Variants in LRP2 observed in about 807,000 individuals in gnomAD.
LRP2 encodes the protein LDL receptor related protein 2, also known as low-density lipoprotein receptor-related protein 2.
LRP2 carries 172 observed loss-of-function variants against 531.0 expected under a neutral mutation model. The observed-to-expected ratio is 0.32, with a 90% CI of 0.29 to 0.37. The LOEUF is 0.37. Among genes scored for constraint, LRP2 ranks in the 10% least tolerant of loss-of-function variants. LRP2 has a pLI of 1.00. For synonymous variants in LRP2, 1,992 were observed against 2,027.6 expected (o/e 0.98, Z 0.47); for missense variants, 5,167 against 5,868.3 (o/e 0.88, Z 3.90).
intron 49 of LRP2, among the ~76,000 whole-genome samples, chr2:169,187,225 T>C (rs1236766315): frequency 6.6e-6 from 1 of 152,176 alleles, no homozygotes; most frequent in East Asian, 1.9e-4. Context: ...GCAGTTTCTG[T>C]CTAGCATTTA....
intron 25 of LRP2, 28 bp downstream of exon 25, chr2:169,240,960 G>A (rs1200030215): frequency 6.2e-7 from 1 of 1,606,872 alleles, no homozygotes; most frequent in Non-Finnish European, 8.5e-7. Context: ...TGAGTTTATG[G>A]CCAGTAAACT....
intron 1 of LRP2, among the ~76,000 whole-genome samples, chr2:169,338,359 G>GGAAAGAAAGAAA (rs869084371): frequency 0.11 from 8,410 of 76,320 alleles, 701 homozygotes; most frequent in Middle Eastern, 0.15. Flanking sequence ...AAAGAAAGAA[G>GGAAAGAAAGAAA]GAAAGAAAGA....
intron 17 of LRP2, among the ~76,000 whole-genome samples, chr2:169,257,825 C>CAAAAAAAAAAAAAAAAAAAAAAA (rs74268259): frequency 7.6e-6 from 1 of 132,356 alleles, no homozygotes. Context: ...AAAACAAAAA[C>CAAAAAAAAAAAAAAAAAAAAAAA]AAAAAAAAAA....
chr2:169,236,126 T>G (rs1295552667), intron 28 of LRP2, 58 bp from the exon 29 acceptor site: 1 of 1,230,030 alleles, frequency 8.1e-7, no homozygotes, highest in Non-Finnish European at 1.2e-6. Flanking sequence ...TAAAAATAAC[T>G]GTCATTTTAA....
intron 1 of LRP2, among the ~76,000 whole-genome samples, chr2:169,348,330 A>G (rs1420277860): frequency 6.6e-6 from 1 of 152,138 alleles, no homozygotes; most frequent in Non-Finnish European, 1.5e-5. Context: ...GATGAGGGAG[A>G]CTATGCCCAG....
chr2:169,263,000 T>G (rs1326266613), intron 16 of LRP2, among the ~76,000 whole-genome samples: 1 of 152,152 alleles, frequency 6.6e-6, no homozygotes, highest in Non-Finnish European at 1.5e-5. Context: ...GGGGAAAGGA[T>G]TCCCTATTTA....
chr2:169,300,949 C>T (rs1196996592), intron 4 of LRP2, among the ~76,000 whole-genome samples: 2 of 151,986 alleles, frequency 1.3e-5, no homozygotes, highest in Admixed American at 6.6e-5. Context: ...GGAGTTTCAG[C>T]AGTTAAAGAT....
At chr2:169,277,106 A>C (rs1346792182) in intron 13 of LRP2, among the ~76,000 whole-genome samples, 1 of 151,598 alleles carries the variant, frequency 6.6e-6, no homozygotes, top group Non-Finnish European at 1.5e-5. Flanking sequence ...AAGCAGGAGA[A>C]TCACTTGAAC....
At chr2:169,273,237 C>T (rs1365133128) in intron 14 of LRP2, among the ~76,000 whole-genome samples, 170 bp from the exon 15 acceptor site, 1 of 152,208 alleles carries the variant, frequency 6.6e-6, no homozygotes, top group African/African-American at 2.4e-5. Context: ...TCTGGCTACA[C>T]TAACCCTCCC....
Position 169,212,190 on chromosome 2 carries a change from T to C in LRP2, c.6058A>G (p.Asn2020Asp). The C allele has an allele frequency of 6.2e-7, 1 of 1,614,026 alleles. No individual in the cohort carries two copies. Among genetic ancestry groups the C allele is most frequent in the Non-Finnish European group, 8.5e-7 (1 of 1,179,920 alleles). Residue 2020 changes from asparagine to aspartate, a missense_variant, in exon 37 of 79, where the codon AAT becomes GAT. This residue lies in a region of LRP2 where 2,811 missense variants were observed against 3,058.0 expected (regional missense o/e 0.92). Transcript: ENST00000649046. ...GCATTCATGTTGTTGCTACAGCCAT[T>C]TGAGGATTCGGCGGCATCTAAATGA... ...YHRRNAAESSNGCSNNMNACQ... is the reference protein window; with the variant it reads ...YHRRNAAESSDGCSNNMNACQ...
rs1243616730 is a variant in LRP2, at chr2:169,128,295, C to A, written c.*368G>T. 2.0e-5 allele frequency: 4 copies of A among 200,008 alleles called. No individual in the cohort carries two copies. The highest frequency in any genetic ancestry group is 4.1e-5 in the Non-Finnish European group (4 of 97,594). The allele number at this position is 200,008 out of a possible 1,614,324, so 12.4% of individuals were successfully genotyped here. ...CTCTTCTTTAGACACGGCTAAAGGT[C>A]CCCAGTCAATTCCTTTTCTTGTTGG... On this transcript the variant is annotated 3_prime_UTR_variant, in exon 79 of 79. Coordinates refer to ENST00000649046, the MANE Select transcript of LRP2 (RefSeq NM_004525.3).
At chr2:169,271,632 C>G (rs893109527) in intron 15 of LRP2, 2 of 430,330 alleles carry the variant, frequency 4.6e-6, no homozygotes, top group Non-Finnish European at 6.2e-6. Context: ...CACACACACA[C>G]ACACACACAC....
At chr2:169,239,503 G>C (rs1689727453) in intron 26 of LRP2, 24 bp downstream of exon 26, 1 of 1,613,778 alleles carries the variant, frequency 6.2e-7, no homozygotes, top group African/African-American at 1.3e-5. Context: ...CTGATAAACT[G>C]GCTCGGGTTA....
chr2:169,320,863 C>A lies in LRP2; in HGVS notation c.101G>T (p.Arg34Leu). The A allele has an allele frequency of 1.9e-6, 3 of 1,613,610 alleles. No individual in the cohort carries two copies. The East Asian group carries it at 6.7e-5, about 36-fold the overall frequency. The change falls in exon 2 of 79, where the codon CGC (arginine) becomes CTC (leucine). Residue 34 changes from arginine (R) to leucine (L), a missense_variant. Coordinates refer to ENST00000649046, the MANE Select transcript of LRP2 (RefSeq NM_004525.3). ...SGQECDSAHF[R>L]CGSGHCIPAD... The stretch of plus-strand genomic sequence containing the variant: ...AGGGATGCAATGCCCACTTCCACAG[C>A]GAAAATGCGCACTGTCACATTCTGC...
rs1326240554 is a variant in LRP2, at chr2:169,241,173, G to GC, written c.3859dup (p.Ala1287GlyfsTer5). ...GTCATTGTCCCGATCACAGAGCCAT[G>GC]CCCTGTGGATGCAGTTTCCGTTGTC... On this transcript the variant is annotated frameshift_variant, in exon 25 of 79. Transcript: ENST00000649046. LOFTEE classifies it high-confidence loss of function. The GC allele has an allele frequency of 6.2e-7, 1 of 1,614,210 alleles. No individual in the cohort carries two copies. The highest frequency in any genetic ancestry group is 8.5e-7 in the Non-Finnish European group (1 of 1,180,052).
chr2:169,361,910 T>C (rs1574290892), intron 1 of LRP2, among the ~76,000 whole-genome samples: 1 of 151,960 alleles, frequency 6.6e-6, no homozygotes, highest in Admixed American at 6.5e-5. Context: ...GCGCTGCAGG[T>C]GGAAAGCTGC....
chr2:169,307,041 C>A (rs1210053149), intron 4 of LRP2, among the ~76,000 whole-genome samples: 5 of 152,102 alleles, frequency 3.3e-5, no homozygotes, highest in Non-Finnish European at 5.9e-5. Flanking sequence ...TTAAAAGTTT[C>A]TTACTATAAA....
chr2:169,333,686 AC>A (rs1211507465), intron 1 of LRP2, among the ~76,000 whole-genome samples: 2 of 152,154 alleles, frequency 1.3e-5, no homozygotes, highest in Non-Finnish European at 2.9e-5. Context: ...GTAAAGAAGG[AC>A]CTATTATATT....
At chr2:169,180,565 T>C (rs113499908) in intron 52 of LRP2, among the ~76,000 whole-genome samples, 1 of 152,360 alleles carries the variant, frequency 6.6e-6, no homozygotes, top group Non-Finnish European at 1.5e-5. Flanking sequence ...AGGTATTCCT[T>C]CTTTTTCAGT....
Sources: allele counts gnomAD v4.1 joint callset (sites outside exome capture counted in the v4.1 genomes callset), GRCh38; gene constraint gnomAD v4.1.1; regional missense constraint gnomAD v4.1.1; transcripts MANE v1.5; gene names NCBI Gene and HGNC (gene_info 2026-07-23, HGNC 2026-07-21).